The following TNIK variants were observed in gnomAD, a reference collection of about 807,000 sequenced individuals.
TNIK encodes the protein TRAF2 and NCK interacting kinase, also known as TRAF2 and NCK-interacting protein kinase.
Under a neutral mutation model 191.3 loss-of-function variants are expected in TNIK, and 49 were observed. The ratio of observed to expected loss-of-function variants is 0.26; its 90% CI spans 0.20 to 0.32. The LOEUF (loss-of-function observed/expected upper bound fraction) is 0.32, where lower values mean the gene tolerates loss of function less well. TNIK is among the 10% of genes least tolerant of loss of function. The pLI, the probability that TNIK is intolerant of heterozygous loss-of-function variation, is 1.00. For synonymous variants in TNIK, 594 were observed against 600.9 expected (o/e 0.99, Z 0.17); for missense variants, 1,155 against 1,702.3 (o/e 0.68, Z 5.66).
chr3:171,264,063 TACATACACAC>T (rs1359234988), intron 2 of TNIK, among the ~76,000 whole-genome samples: 3 of 94,448 alleles, frequency 3.2e-5, no homozygotes, highest in Non-Finnish European at 6.0e-5. Flanking sequence ...TGTATATATA[TACATACACAC>T]ACACACACAC....
chr3:171,207,580 G>C (rs960280929), intron 4 of TNIK, among the ~76,000 whole-genome samples: 2 of 152,110 alleles, frequency 1.3e-5, no homozygotes, highest in Non-Finnish European at 2.9e-5. Context: ...CCTTGAGGTG[G>C]CAGTGATTGA....
At chr3:171,446,810 A>G (rs915234620) in intron 1 of TNIK, among the ~76,000 whole-genome samples, 5 of 150,582 alleles carry the variant, frequency 3.3e-5, no homozygotes, top group Non-Finnish European at 5.9e-5. Flanking sequence ...GCTGTCTCCA[A>G]TTCTTAAAAA....
intron 3 of TNIK, among the ~76,000 whole-genome samples, chr3:171,218,214 C>G (rs1039742032): frequency 6.6e-6 from 1 of 152,144 alleles, no homozygotes; most frequent in Non-Finnish European, 1.5e-5. Flanking sequence ...TTCCACGAGA[C>G]TGACACTGTG....
At chr3:171,241,555 G>A (rs1744995406) in intron 2 of TNIK, among the ~76,000 whole-genome samples, 2 of 152,116 alleles carry the variant, frequency 1.3e-5, no homozygotes, top group African/African-American at 2.4e-5. Flanking sequence ...AAATTAAAAT[G>A]CCTGATAATC....
At chr3:171,323,136 C>T (rs956441097) in intron 2 of TNIK, among the ~76,000 whole-genome samples, 6 of 152,058 alleles carry the variant, frequency 3.9e-5, no homozygotes, top group Admixed American at 6.6e-5. Flanking sequence ...TGACAAAGAC[C>T]GTATTTCTAG....
Position 171,139,530 on chromosome 3 carries a change from C to A in TNIK, c.1359G>T (p.Glu453Asp). The change falls in exon 14 of 33, where the codon GAG (glutamate) becomes GAT (aspartate). Residue 453 changes from glutamate to aspartate, a missense_variant. Physicochemically the swap from Glu to Asp is conservative, Grantham distance 45. Coordinates refer to ENST00000436636, the MANE Select transcript of TNIK (RefSeq NM_015028.4). ...GCAAGATCTCTAACTGTCTCTGCTCCTCCTCTAACTGTCGCCTGATGTATT... is the reference window on the plus strand; with the variant it reads ...GCAAGATCTCTAACTGTCTCTGCTCATCCTCTAACTGTCGCCTGATGTATT... ...EQEYIRRQLE[E>D]EQRQLEILQQ... is the part of the protein sequence containing the mutation. The A allele has an allele frequency of 6.2e-7, 1 of 1,613,796 alleles. No homozygotes were observed. Among genetic ancestry groups the A allele is most frequent in the South Asian group, 1.1e-5 (1 of 91,074 alleles).
chr3:171,126,244 T>C (rs1728463519), intron 16 of TNIK, 93 bp from the exon 17 acceptor site: 1 of 1,359,576 alleles, frequency 7.4e-7, no homozygotes, highest in East Asian at 2.5e-5. Context: ...AAAAAAAAGT[T>C]CAAGGGCACA....
At position 171,093,901 on chromosome 3, in the gene TNIK, TC is replaced by T; in HGVS notation, c.2658del (p.Thr887ProfsTer17). 6.2e-7 allele frequency: 1 copy of T among 1,613,854 alleles called. No individual in the cohort carries two copies. Among genetic ancestry groups the T allele is most frequent in the Non-Finnish European group, 8.5e-7 (1 of 1,179,846 alleles). On this transcript the variant is annotated frameshift_variant, in exon 23 of 33. Transcript: ENST00000436636. LOFTEE classifies it high-confidence loss of function. ...CCGCTGAAACTGTCCGCATGAGAGGTCTCCAGCCCATGCGTCCCCACCATTC... is the reference window on the plus strand; with the variant it reads ...CCGCTGAAACTGTCCGCATGAGAGGTTCCAGCCCATGCGTCCCCACCATTC... ...NVGMVGTHGL[E>X]TSHADSFSGS...
rs1055941959 is a variant in TNIK, at chr3:171,186,395, T to C, written c.639+2307A>G. On this transcript the variant is annotated intron_variant, in intron 7 of 32. Transcript: ENST00000436636. ...TGGCTTGGTTTTGTTATTTATTATT[T>C]ACTATTTGATTTGTCTAAGATGTCT... 7.9e-5 allele frequency among the ~76,000 whole-genome samples: 12 copies of C among 152,376 alleles called. 1 individual carries two copies. The highest frequency in any genetic ancestry group is 2.9e-4 in the African/African-American group (12 of 41,594).
intron 2 of TNIK, among the ~76,000 whole-genome samples, chr3:171,368,571 C>T (rs554236693): frequency 1.3e-4 from 20 of 152,116 alleles, no homozygotes; most frequent in Admixed American, 9.8e-4. Flanking sequence ...GAGAATTTTC[C>T]CCTGGACACC....
chr3:171,245,027 T>C (rs1745438770), intron 2 of TNIK, among the ~76,000 whole-genome samples: 2 of 152,144 alleles, frequency 1.3e-5, no homozygotes. Context: ...AATTTCTTCC[T>C]GGATGCCAAT....
intron 27 of TNIK, 118 bp from the exon 28 acceptor site, chr3:171,079,770 C>A: frequency 8.3e-7 from 1 of 1,210,926 alleles, no homozygotes; most frequent in Non-Finnish European, 1.1e-6. Flanking sequence ...TGTATGAAGG[C>A]ATAATAACCA....
At chr3:171,423,061 A>G (rs540734539) in intron 1 of TNIK, among the ~76,000 whole-genome samples, 5 of 152,322 alleles carry the variant, frequency 3.3e-5, no homozygotes, top group African/African-American at 1.2e-4. Flanking sequence ...CAACATGTGC[A>G]TAGGTATTTA....
chr3:171,261,325 T>C (rs1269319764), intron 2 of TNIK, among the ~76,000 whole-genome samples: 1 of 152,232 alleles, frequency 6.6e-6, no homozygotes, highest in African/African-American at 2.4e-5. Flanking sequence ...CAAGCATTAC[T>C]TTCTGTGTTC....
At chr3:171,458,666 A>C (rs1729050191) in intron 1 of TNIK, among the ~76,000 whole-genome samples, 1 of 152,218 alleles carries the variant, frequency 6.6e-6, no homozygotes, top group African/African-American at 2.4e-5. Flanking sequence ...AGTACTAGGA[A>C]TCCAGGTAAA....
chr3:171,431,034 C>T (rs970062325), intron 1 of TNIK, among the ~76,000 whole-genome samples: 2 of 152,076 alleles, frequency 1.3e-5, no homozygotes, highest in African/African-American at 2.4e-5. Flanking sequence ...TAATGAATTA[C>T]GCACTTATTT....
At chr3:171,376,995 C>T (rs1308972267) in intron 1 of TNIK, among the ~76,000 whole-genome samples, 1 of 152,168 alleles carries the variant, frequency 6.6e-6, no homozygotes, top group Non-Finnish European at 1.5e-5. Context: ...TGGGAAAGTG[C>T]CCTTTGGCCT....
At chr3:171,151,769 A>G (rs1392741669) in intron 12 of TNIK, among the ~76,000 whole-genome samples, 1 of 152,240 alleles carries the variant, frequency 6.6e-6, no homozygotes, top group East Asian at 1.9e-4. Flanking sequence ...AGGACTTTCC[A>G]GAGCATCAAT....
chr3:171,262,420 C>A (rs1043606228), intron 2 of TNIK, among the ~76,000 whole-genome samples: 1 of 152,096 alleles, frequency 6.6e-6, no homozygotes, highest in Non-Finnish European at 1.5e-5. Flanking sequence ...TTTGTCTTGT[C>A]CCCCAGAGTC....
Sources: gnomAD v4.1 joint callset for allele counts (sites outside exome capture counted in the v4.1 genomes callset) on GRCh38, gnomAD v4.1.1 for gene constraint, MANE v1.5 for transcripts, NCBI Gene and HGNC (gene_info 2026-07-23, HGNC 2026-07-21) for gene names.